TNS3: variants seen among roughly 807,000 people sequenced by gnomAD.
TNS3 encodes the protein tensin-3.
TNS3 carries 45 observed loss-of-function variants against 140.9 expected under a neutral mutation model. The ratio of observed to expected loss-of-function variants is 0.32; its 90% confidence interval spans 0.25 to 0.41. TNS3 has a LOEUF of 0.41. Among genes scored for constraint, TNS3 ranks in the 10% least tolerant of loss-of-function variants. TNS3 has a pLI of 1.00. For missense variants in TNS3, 1,716 were observed against 1,906.7 expected (o/e 0.90, Z 1.86); for synonymous variants, 815 against 788.4 (o/e 1.03, Z -0.56).
At chr7:47,284,908 C>A (rs898628068) in intron 27 of TNS3, among the ~76,000 whole-genome samples, 1 of 152,252 alleles carries the variant, frequency 6.6e-6, no homozygotes, top group Non-Finnish European at 1.5e-5. Context: ...GGTAGGCAGC[C>A]CTGGGAAGCA....
At position 47,385,949 on chromosome 7, in the gene TNS3, G is replaced by A. The variant is rs77670267; in HGVS notation, c.1024+10851C>T. Among the ~76,000 whole-genome samples, 966 of 152,244 alleles carry A rather than the reference G, an allele frequency of 6.3e-3. 15 individuals carry two copies. Among genetic ancestry groups the A allele is most frequent in the African/African-American group, 0.022 (925 of 41,550 alleles). ...ACCAAATCTTGCTATTGCTCTAACC[G>A]TTTGGCCTAATTTCAGTGAGAATAT... is the stretch of plus-strand genomic sequence containing the variant. On this transcript the variant is annotated intron_variant, in intron 16 of 30. Transcript: ENST00000311160.
At chr7:47,578,561 G>A (rs193142089) in intron 1 of TNS3, among the ~76,000 whole-genome samples, 1 of 135,120 alleles carries the variant, frequency 7.4e-6, no homozygotes, top group Non-Finnish European at 1.5e-5. Flanking sequence ...CAGGGGGTTG[G>A]GGGGGGGCGG....
chr7:47,382,545 G>T (rs1791832728), intron 16 of TNS3, among the ~76,000 whole-genome samples: 1 of 152,190 alleles, frequency 6.6e-6, no homozygotes, highest in Non-Finnish European at 1.5e-5. Context: ...GCAGTTCTGT[G>T]GCTCAGAGTG....
intron 1 of TNS3, among the ~76,000 whole-genome samples, chr7:47,564,444 T>C (rs1315303624): frequency 1.3e-5 from 2 of 151,862 alleles, no homozygotes; most frequent in Non-Finnish European, 2.9e-5. Context: ...AAGACCAGCC[T>C]GACCAACATG....
Position 47,283,821 on chromosome 7 carries a change from T to A in TNS3, c.3973A>T (p.Thr1325Ser), listed in dbSNP as rs1785270282. 2 of 1,610,690 alleles carry A rather than the reference T, an allele frequency of 1.2e-6. No homozygotes were observed. The highest frequency in any genetic ancestry group is 2.2e-5 in the South Asian group (2 of 90,632). Residue 1325 changes from threonine (T) to serine (S), a missense_variant, in exon 28 of 31, where the codon ACC becomes TCC. By Grantham distance (58) the Thr-to-Ser change is moderately conservative. Transcript: ENST00000311160. ...GCCTTCTGGATCGCCTGGTGGCCGGTGAGGGACTCCATCTCCACAGAGTTC... is the reference window on the plus strand; with the variant it reads ...GCCTTCTGGATCGCCTGGTGGCCGGAGAGGGACTCCATCTCCACAGAGTTC... ...YLNSVEMESLTGHQAIQKALS... is the reference protein window; with the variant it reads ...YLNSVEMESLSGHQAIQKALS...
At chr7:47,464,420 C>T (rs956633783) in intron 4 of TNS3, among the ~76,000 whole-genome samples, 3 of 152,086 alleles carry the variant, frequency 2.0e-5, no homozygotes, top group Admixed American at 6.5e-5. Context: ...CCCCAGAGGC[C>T]GCCGAGTTCT....
At chr7:47,547,796 G>T (rs1187382339) in intron 1 of TNS3, among the ~76,000 whole-genome samples, 1 of 152,188 alleles carries the variant, frequency 6.6e-6, no homozygotes, top group Non-Finnish European at 1.5e-5. Flanking sequence ...CAGCCCAGAA[G>T]AAAATGGAGA....
intron 20 of TNS3, among the ~76,000 whole-genome samples, chr7:47,306,199 G>A (rs1786743011): frequency 6.6e-6 from 1 of 152,098 alleles, no homozygotes; most frequent in African/African-American, 2.4e-5. Context: ...ATACCTAGGG[G>A]GTTTTCATTA....
At chr7:47,368,114 C>A in intron 17 of TNS3, among the ~76,000 whole-genome samples, 1 of 152,218 alleles carries the variant, frequency 6.6e-6, no homozygotes, top group Non-Finnish European at 1.5e-5. Flanking sequence ...GCTGTCCCTG[C>A]CCCTGCACTG....
intron 4 of TNS3, among the ~76,000 whole-genome samples, chr7:47,447,834 C>G (rs1171056196): frequency 2.0e-5 from 3 of 152,210 alleles, no homozygotes; most frequent in African/African-American, 7.2e-5. Context: ...TGATGATGCT[C>G]GCTCTAGTAT....
intron 17 of TNS3, among the ~76,000 whole-genome samples, chr7:47,357,435 C>A (rs1790056870): frequency 6.6e-6 from 1 of 152,176 alleles, no homozygotes; most frequent in Non-Finnish European, 1.5e-5. Flanking sequence ...GGCAGGGTGG[C>A]ATGACAAGGA....
intron 1 of TNS3, among the ~76,000 whole-genome samples, chr7:47,547,619 G>A (rs1799955946): frequency 6.6e-6 from 1 of 152,054 alleles, no homozygotes; most frequent in Non-Finnish European, 1.5e-5. Flanking sequence ...CATGAGGTAG[G>A]GAAGATGAAG....
At position 47,280,354 on chromosome 7, in the gene TNS3, C is replaced by G; in HGVS notation, c.4098G>C (p.Lys1366Asn). 6.2e-7 allele frequency: 1 copy of G among 1,614,072 alleles called. No homozygotes were observed. Among genetic ancestry groups the G allele is most frequent in the Non-Finnish European group, 8.5e-7 (1 of 1,180,032 alleles). Residue 1366 changes from lysine (K) to asparagine (N), a missense_variant and splice_region_variant, in exon 29 of 31, where the codon AAG becomes AAC. Physicochemically the swap from Lys to Asn is moderately conservative, Grantham distance 94. Around this residue, in one of 3 missense-constraint regions of TNS3, gnomAD observed 216 missense variants for 295.7 expected, o/e 0.73. Coordinates refer to ENST00000311160, the MANE Select transcript of TNS3 (RefSeq NM_022748.12). ...QGITLTDNQRKLFFRRHYPVN... is the reference protein window; with the variant it reads ...QGITLTDNQRNLFFRRHYPVN... ...CGGGGTAATGCCTCCGGAAGAAGAG[C>G]CTGTTGGGACATGGGGGAGAGAGGA...
chr7:47,394,867 G>A (rs1792735903), intron 16 of TNS3, among the ~76,000 whole-genome samples: 1 of 152,244 alleles, frequency 6.6e-6, no homozygotes, highest in Non-Finnish European at 1.5e-5. Flanking sequence ...GATAAAGCCT[G>A]CCCCGCAGGC....
chr7:47,430,485 G>A (rs762189925), intron 8 of TNS3, among the ~76,000 whole-genome samples: 3 of 152,004 alleles, frequency 2.0e-5, no homozygotes, highest in Non-Finnish European at 4.4e-5. Flanking sequence ...ACAACCGTAC[G>A]GGACTTCAGT....
chr7:47,448,476 ATT>A lies in TNS3; in HGVS notation c.-75-6423_-75-6422del, dbSNP rs71003401. On this transcript the variant is annotated intron_variant, in intron 4 of 30. Transcript: ENST00000311160. ...AGAGCCCAACTCTGGTGGGAATTCG[ATT>A]TTTTTTTTTTTTTTTTTTTGAGACA... 9.3e-3 allele frequency among the ~76,000 whole-genome samples: 1,208 copies of A among 129,600 alleles called. 11 individuals are homozygous for A. The highest frequency in any genetic ancestry group is 0.011 in the Non-Finnish European group (695 of 62,878). The allele number at this position is 129,600 out of a possible 152,430, so 85.0% of individuals were successfully genotyped here.
chr7:47,385,635 C>T (rs1184078158), intron 16 of TNS3, among the ~76,000 whole-genome samples: 1 of 152,174 alleles, frequency 6.6e-6, no homozygotes, highest in African/African-American at 2.4e-5. Context: ...TGGAATCCTC[C>T]GATTTATGAT....
At chr7:47,344,232 C>T (rs945397223) in intron 20 of TNS3, among the ~76,000 whole-genome samples, 5 of 152,192 alleles carry the variant, frequency 3.3e-5, no homozygotes, top group Admixed American at 1.3e-4. Context: ...CTAACACTCT[C>T]TCGCCTGAGC....
intron 13 of TNS3, among the ~76,000 whole-genome samples, chr7:47,410,787 CATTCTATG>C (rs566849727): frequency 2.6e-4 from 39 of 152,304 alleles, no homozygotes; most frequent in Admixed American, 5.9e-4. Context: ...GAAATCTTTA[CATTCTATG>C]ATTCTATGCA....
Sources: allele counts gnomAD v4.1 joint callset (sites outside exome capture counted in the v4.1 genomes callset), GRCh38; gene constraint gnomAD v4.1.1; regional missense constraint gnomAD v4.1.1; transcripts MANE v1.5; gene names NCBI Gene and HGNC (gene_info 2026-07-23, HGNC 2026-07-21).